Variants in PPM1L observed in about 807,000 individuals in gnomAD.
The protein encoded by PPM1L is protein phosphatase 1L.
In PPM1L, 13 loss-of-function variants were observed where a neutral mutation model predicts 31.4. The ratio of observed to expected loss-of-function variants is 0.41; its 90% CI spans 0.27 to 0.66. The LOEUF is 0.66. Among genes scored for constraint, PPM1L ranks in the 30% least tolerant of loss-of-function variants. The probability of loss-of-function intolerance (pLI) is 0.29; values close to 1 mark genes in which losing one functional copy is unlikely to be tolerated. For missense variants in PPM1L, 326 were observed against 453.7 expected (o/e 0.72, Z 2.56); for synonymous variants, 184 against 175.4 (o/e 1.05, Z -0.39).
chr3:160,793,314 A>T lies in PPM1L; in HGVS notation c.399+36607A>T, dbSNP rs1011708408. 2.6e-5 allele frequency among the ~76,000 whole-genome samples: 4 copies of T among 152,224 alleles called. No individual in the cohort carries two copies. In the East Asian group the frequency reaches 7.7e-4, roughly 29 times the overall value. ...ATTAACCTTTTCAAATACTAGAAAA[A>T]TAGAATCATGGAGTTGGATGGGACC... On this transcript the variant is annotated intron_variant, in intron 1 of 3. Coordinates refer to ENST00000498165, the MANE Select transcript of PPM1L (RefSeq NM_139245.4).
chr3:160,936,551 A>G (rs1173716167), intron 1 of PPM1L, among the ~76,000 whole-genome samples: 1 of 152,240 alleles, frequency 6.6e-6, no homozygotes, highest in African/African-American at 2.4e-5. Context: ...CCAAGGGTGT[A>G]TTTTGAAATA....
At chr3:160,801,334 C>A (rs1427331611) in intron 1 of PPM1L, among the ~76,000 whole-genome samples, 1 of 152,176 alleles carries the variant, frequency 6.6e-6, no homozygotes, top group Non-Finnish European at 1.5e-5. Context: ...AAAACCTTTG[C>A]TTTGAAGGAC....
At chr3:160,962,869 GCCCCCATGTATATT>G (rs1347651861) in intron 2 of PPM1L, among the ~76,000 whole-genome samples, 5 of 151,812 alleles carry the variant, frequency 3.3e-5, no homozygotes, top group African/African-American at 4.8e-5. Context: ...TTACTAAGCT[GCCCCCATGTATATT>G]CCACCCTCTA....
intron 1 of PPM1L, among the ~76,000 whole-genome samples, chr3:160,869,256 A>G (rs1712211308): frequency 6.6e-6 from 1 of 152,174 alleles, no homozygotes; most frequent in African/African-American, 2.4e-5. Context: ...TAATAACTGG[A>G]CTTTTAGGAG....
chr3:161,040,869 C>T (rs1718886800), intron 2 of PPM1L, among the ~76,000 whole-genome samples: 1 of 152,114 alleles, frequency 6.6e-6, no homozygotes, highest in South Asian at 2.1e-4. Context: ...ATTTTATCCC[C>T]AAAACATGTT....
chr3:160,779,860 G>T (rs1037515318), intron 1 of PPM1L, among the ~76,000 whole-genome samples: 6 of 151,842 alleles, frequency 4.0e-5, no homozygotes, highest in African/African-American at 1.5e-4. Flanking sequence ...CCTGCCCTTT[G>T]GTAAGTTTTA....
chr3:160,919,013 A>G (rs1428596946), intron 1 of PPM1L, among the ~76,000 whole-genome samples: 1 of 152,232 alleles, frequency 6.6e-6, no homozygotes, highest in Non-Finnish European at 1.5e-5. Flanking sequence ...ATTAAAGAGA[A>G]GGGTTATTTA....
At chr3:160,911,647 A>T (rs2108063119) in intron 1 of PPM1L, among the ~76,000 whole-genome samples, 2 of 152,218 alleles carry the variant, frequency 1.3e-5, no homozygotes, top group Admixed American at 1.3e-4. Context: ...CCCCAGGGGG[A>T]GAGAAAGAGA....
chr3:160,944,956 C>CATATATATTATATATAACTA (rs1553748244), intron 1 of PPM1L, among the ~76,000 whole-genome samples: 349 of 32,522 alleles, frequency 0.011, 126 homozygotes, highest in African/African-American at 0.033. Flanking sequence ...CTATATATAA[C>CATATATATTATATATAACTA]TATATAACAT....
chr3:160,881,378 G>A (rs889260821), intron 1 of PPM1L, among the ~76,000 whole-genome samples: 1 of 152,120 alleles, frequency 6.6e-6, no homozygotes, highest in African/African-American at 2.4e-5. Context: ...GTCAGTTTCT[G>A]GAAACTTGAA....
chr3:160,907,376 A>C (rs905584940), intron 1 of PPM1L, among the ~76,000 whole-genome samples: 5 of 152,228 alleles, frequency 3.3e-5, no homozygotes, highest in African/African-American at 1.2e-4. Context: ...TAGCTTTTTG[A>C]AAGTAGTTAA....
Position 160,880,837 on chromosome 3 carries a change from C to A in PPM1L, c.400-80899C>A, listed in dbSNP as rs144335715. On this transcript the variant is annotated intron_variant, in intron 1 of 3. Coordinates refer to ENST00000498165, the MANE Select transcript of PPM1L (RefSeq NM_139245.4). ...AATCTCCTATTTCCACCCCTCTCCA[C>A]CCAGATTTTGCCACCAGTTATTCTT... 3.5e-3 allele frequency among the ~76,000 whole-genome samples: 530 copies of A among 152,280 alleles called. 2 individuals are homozygous for A. The highest frequency in any genetic ancestry group is 0.012 in the African/African-American group (512 of 41,546).
At chr3:160,939,542 G>C (rs960650225) in intron 1 of PPM1L, 1 of 152,216 alleles carries the variant, frequency 6.6e-6, no homozygotes, top group Non-Finnish European at 1.5e-5. Context: ...ATTGAATCAT[G>C]GGGCCCTGTC....
At chr3:161,066,090 A>G (rs1719731777) in intron 3 of PPM1L, among the ~76,000 whole-genome samples, 2 of 152,174 alleles carry the variant, frequency 1.3e-5, no homozygotes. Context: ...GTCACCTTTT[A>G]CAATACATGG....
At chr3:160,970,700 C>T (rs1716301846) in intron 2 of PPM1L, among the ~76,000 whole-genome samples, 1 of 151,800 alleles carries the variant, frequency 6.6e-6, no homozygotes, top group Non-Finnish European at 1.5e-5. Context: ...TCAAGTGATT[C>T]ACCCACCTTA....
chr3:160,951,992 A>G (rs1314308922), intron 1 of PPM1L, among the ~76,000 whole-genome samples: 2 of 152,212 alleles, frequency 1.3e-5, no homozygotes, highest in Non-Finnish European at 2.9e-5. Flanking sequence ...TCCTGATGCC[A>G]TCTCTCTTGA....
intron 1 of PPM1L, among the ~76,000 whole-genome samples, chr3:160,879,451 C>T (rs1712628396): frequency 6.6e-6 from 1 of 152,028 alleles, no homozygotes; most frequent in African/African-American, 2.4e-5. Flanking sequence ...AGGTCCCCCT[C>T]CCCAGTTGCT....
At chr3:161,059,499 T>C (rs556024996) in intron 2 of PPM1L, among the ~76,000 whole-genome samples, 2 of 152,310 alleles carry the variant, frequency 1.3e-5, no homozygotes, top group Admixed American at 1.3e-4. Flanking sequence ...AGCAAGACTT[T>C]AGAAGCTTAG....
Position 161,072,912 on chromosome 3 carries a change from T to G in PPM1L, c.*3755T>G, listed in dbSNP as rs574854148. The G allele has an allele frequency of 1.3e-5, 2 of 152,356 alleles. No individual in the cohort carries two copies. Among genetic ancestry groups the G allele is most frequent in the South Asian group, 4.1e-4 (2 of 4,824 alleles). The allele number at this position is 152,356 out of a possible 1,614,324, so 9.4% of individuals were successfully genotyped here. ...CACAACTAGACTGTTCATACCCTAA[T>G]AGTTCCCCAAAATTGCCTTAGCATG... On this transcript the variant is annotated 3_prime_UTR_variant, in exon 4 of 4. Coordinates refer to ENST00000498165, the MANE Select transcript of PPM1L (RefSeq NM_139245.4).
Sources: gnomAD v4.1 joint callset for allele counts (sites outside exome capture counted in the v4.1 genomes callset) on GRCh38, gnomAD v4.1.1 for gene constraint, MANE v1.5 for transcripts, NCBI Gene and HGNC (gene_info 2026-07-23, HGNC 2026-07-21) for gene names.